The following CDH13 variants were observed in gnomAD, a reference collection of about 807,000 sequenced individuals.
CDH13 encodes cadherin-13.
In CDH13, 24 loss-of-function variants were observed where a neutral mutation model predicts 63.8. The observed-to-expected ratio is 0.38, with a 90% CI of 0.27 to 0.53. The LOEUF (loss-of-function observed/expected upper bound fraction) is 0.53. CDH13 is among the 20% of genes least tolerant of loss of function. CDH13 has a pLI of 0.85. For synonymous variants in CDH13, 503 were observed against 355.3 expected, an observed-to-expected ratio of 1.42 and a Z score of -4.67; for missense variants, 1,049 against 903.1, an observed-to-expected ratio of 1.16 and a Z score of -2.07.
intron 2 of CDH13, among the ~76,000 whole-genome samples, chr16:82,974,397 G>GCAGCAATA (rs1909207124): frequency 6.6e-6 from 1 of 152,212 alleles, no homozygotes; most frequent in Non-Finnish European, 1.5e-5. Context: ...CTGAATAACT[G>GCAGCAATA]CAGCAATACC....
intron 3 of CDH13, among the ~76,000 whole-genome samples, chr16:83,058,077 C>T (rs985991718): frequency 6.6e-6 from 1 of 152,164 alleles, no homozygotes; most frequent in Non-Finnish European, 1.5e-5. Flanking sequence ...ATGAAATCTT[C>T]ACTATATTCT....
chr16:82,799,560 A>C (rs1307093581), intron 1 of CDH13, among the ~76,000 whole-genome samples: 1 of 152,260 alleles, frequency 6.6e-6, no homozygotes, highest in Non-Finnish European at 1.5e-5. Flanking sequence ...GTTGTAATCA[A>C]GGAGAAATAA....
intron 4 of CDH13, among the ~76,000 whole-genome samples, chr16:83,149,104 ATGT>A (rs1486904081): frequency 1.3e-5 from 2 of 152,226 alleles, no homozygotes; most frequent in African/African-American, 4.8e-5. Context: ...CTATGGCTAC[ATGT>A]TACTCCAAGA....
At position 82,784,864 on chromosome 16, in the gene CDH13, A is replaced by G. The variant is rs574831443; in HGVS notation, c.46-73498A>G. Among the ~76,000 whole-genome samples the G allele has an allele frequency of 1.7e-4, 26 of 152,308 alleles. No individual in the cohort carries two copies. The East Asian group carries it at 4.6e-3, about 27-fold the overall frequency. On this transcript the variant is annotated intron_variant, in intron 1 of 13. Coordinates refer to ENST00000567109, the MANE Select transcript of CDH13 (RefSeq NM_001257.5). ...AGTCCTTAGGCAGAAAATAATTTCAAACATTTTAGACCCTTCCTCCAAAGG... is the reference window on the plus strand; with the variant it reads ...AGTCCTTAGGCAGAAAATAATTTCAGACATTTTAGACCCTTCCTCCAAAGG...
At chr16:83,588,153 T>A (rs1411708944) in intron 7 of CDH13, among the ~76,000 whole-genome samples, 2 of 152,140 alleles carry the variant, frequency 1.3e-5, no homozygotes, top group Non-Finnish European at 2.9e-5. Context: ...AGCCACAGCC[T>A]CCCTCTGCAT....
At chr16:83,203,618 C>T (rs1489642297) in intron 4 of CDH13, among the ~76,000 whole-genome samples, 3 of 133,812 alleles carry the variant, frequency 2.2e-5, no homozygotes, top group Non-Finnish European at 4.6e-5. Context: ...ACCCGGGAGG[C>T]GCCACTGCAT....
intron 10 of CDH13, among the ~76,000 whole-genome samples, chr16:83,686,987 A>T (rs1256592100): frequency 6.6e-6 from 1 of 152,212 alleles, no homozygotes; most frequent in African/African-American, 2.4e-5. Context: ...AGGTGGGCAG[A>T]TCATTTGAGG....
chr16:83,162,112 G>T (rs73604290), intron 4 of CDH13, among the ~76,000 whole-genome samples: 2 of 152,164 alleles, frequency 1.3e-5, no homozygotes, highest in Non-Finnish European at 2.9e-5. Flanking sequence ...CTCAGACGTG[G>T]CATTTACATG....
intron 1 of CDH13, among the ~76,000 whole-genome samples, chr16:82,797,929 T>C (rs994546724): frequency 1.3e-5 from 2 of 152,148 alleles, no homozygotes; most frequent in Non-Finnish European, 2.9e-5. Flanking sequence ...TCCTTACTAC[T>C]GGTTTGTGCT....
chr16:83,381,135 C>G (rs960378011), intron 6 of CDH13, among the ~76,000 whole-genome samples: 1 of 152,142 alleles, frequency 6.6e-6, no homozygotes, highest in East Asian at 1.9e-4. Context: ...ATTGTGTCCT[C>G]AATAGATGGT....
intron 7 of CDH13, among the ~76,000 whole-genome samples, chr16:83,584,617 T>C (rs1171197775): frequency 1.3e-5 from 2 of 152,090 alleles, no homozygotes; most frequent in African/African-American, 4.8e-5. Flanking sequence ...CAAAAGTGAG[T>C]GGACCACCCA....
At chr16:83,115,488 C>G (rs2035248984) in intron 3 of CDH13, among the ~76,000 whole-genome samples, 1 of 152,228 alleles carries the variant, frequency 6.6e-6, no homozygotes, top group Non-Finnish European at 1.5e-5. Flanking sequence ...TTCAAACTCT[C>G]CAAAGGAATA....
At chr16:82,831,258 G>C (rs937678115) in intron 1 of CDH13, among the ~76,000 whole-genome samples, 1 of 152,148 alleles carries the variant, frequency 6.6e-6, no homozygotes, top group Non-Finnish European at 1.5e-5. Flanking sequence ...CCAATCATTA[G>C]CATTTCAGAA....
At chr16:82,852,624 C>T (rs898075601) in intron 1 of CDH13, among the ~76,000 whole-genome samples, 1 of 152,194 alleles carries the variant, frequency 6.6e-6, no homozygotes, top group African/African-American at 2.4e-5. Context: ...AGACTAATCT[C>T]AATGACAGTT....
intron 4 of CDH13, among the ~76,000 whole-genome samples, chr16:83,208,155 C>T (rs2039236705): frequency 6.6e-6 from 1 of 152,192 alleles, no homozygotes. Flanking sequence ...GAGCTTCTGT[C>T]CTTCTCAGTG....
chr16:83,500,302 C>T (rs58897024), intron 7 of CDH13, among the ~76,000 whole-genome samples: 781 of 2,184 alleles, frequency 0.36, 331 homozygotes, highest in East Asian at 0.86. Context: ...TTCTCCTTCT[C>T]CTTCTCCTTC....
At chr16:83,378,284 G>A (rs901985816) in intron 6 of CDH13, among the ~76,000 whole-genome samples, 1 of 152,176 alleles carries the variant, frequency 6.6e-6, no homozygotes, top group African/African-American at 2.4e-5. Flanking sequence ...ACACAGACTA[G>A]GAGTGGGAGA....
chr16:83,551,724 C>T (rs563017798), intron 7 of CDH13, among the ~76,000 whole-genome samples: 1 of 152,204 alleles, frequency 6.6e-6, no homozygotes, highest in African/African-American at 2.4e-5. Flanking sequence ...ATAAATGCAT[C>T]TCCCTTTCCT....
intron 3 of CDH13, among the ~76,000 whole-genome samples, chr16:83,061,447 G>T (rs552950119): frequency 2.0e-5 from 3 of 152,216 alleles, no homozygotes; most frequent in African/African-American, 7.2e-5. Flanking sequence ...TGCCAACCCC[G>T]GAATACAATG....
Sources: allele counts gnomAD v4.1 joint callset (sites outside exome capture counted in the v4.1 genomes callset), GRCh38; gene constraint gnomAD v4.1.1; transcripts MANE v1.5; gene names NCBI Gene and HGNC (gene_info 2026-07-23, HGNC 2026-07-21).